Variants in TRIM33 observed in about 807,000 individuals in gnomAD.
TRIM33 encodes tripartite motif containing 33.
In TRIM33, 20 loss-of-function variants were observed where a neutral mutation model predicts 125.4. The observed-to-expected ratio is 0.16, with a 90% CI of 0.11 to 0.23. The LOEUF (loss-of-function observed/expected upper bound fraction) is 0.23. TRIM33 is among the 10% of genes least tolerant of loss of function. TRIM33 has a pLI of 1.00. For synonymous variants in TRIM33, 564 were observed against 513.9 expected (o/e 1.10, Z -1.32); for missense variants, 920 against 1,411.4 (o/e 0.65, Z 5.58).
rs182558043 is a variant in TRIM33, at chr1:114,395,988, C to T, written c.*1660G>A. 5 of 194,002 alleles carry T rather than the reference C, an allele frequency of 2.6e-5. No individual in the cohort carries two copies. The highest frequency in any genetic ancestry group is 8.1e-5 in the East Asian group (1 of 12,370). 12.0% of individuals were successfully genotyped at this position (194,002 alleles called of 1,614,324 possible). A position where few individuals can be genotyped will look rare whatever the true frequency, so the allele number is the denominator to read the frequency against. On this transcript the variant is annotated 3_prime_UTR_variant, in exon 20 of 20. Transcript: ENST00000358465. ...AAAATATTGACCTCTTAGACAATTA[C>T]GTGAAATAATTTTCTGAGTAGTCTA...
Position 114,397,618 on chromosome 1 carries a change from T to TTTTTTTTTTTA in TRIM33, c.*29_*30insTAAAAAAAAAA. 8.0e-7 allele frequency: 1 copy of TTTTTTTTTTTA among 1,249,274 alleles called. No homozygotes were observed. Among genetic ancestry groups the TTTTTTTTTTTA allele is most frequent in the Non-Finnish European group, 1.1e-6 (1 of 888,900 alleles). 77.4% of individuals were successfully genotyped at this position (1,249,274 alleles called of 1,614,324 possible). On this transcript the variant is annotated 3_prime_UTR_variant, in exon 20 of 20. Transcript: ENST00000358465. ...TTTTTTTTTTTTTCGTTTTTTTTTT[T>TTTTTTTTTTTA]TTAAACAATTGATTTAAATCCATGT...
At position 114,460,178 on chromosome 1, in the gene TRIM33, G is replaced by T. The variant is rs1014170709; in HGVS notation, c.923+2926C>A. The T allele has an allele frequency of 4.1e-5, 8 of 196,514 alleles. No individual in the cohort carries two copies. In the East Asian group the frequency reaches 6.9e-4, roughly 17 times the overall value. The allele number at this position is 196,514 out of a possible 1,614,324, so 12.2% of individuals were successfully genotyped here. On this transcript the variant is annotated intron_variant, in intron 4 of 19. Coordinates refer to ENST00000358465, the MANE Select transcript of TRIM33 (RefSeq NM_015906.4). ...TGAAATATATCATCAACACTGAACA[G>T]GTGCCATGGGAAAAGGCTAATGGCA...
intron 2 of TRIM33, 148 bp from the exon 3 acceptor site, chr1:114,463,704 C>CT: frequency 1.7e-6 from 1 of 581,350 alleles, no homozygotes; most frequent in Non-Finnish European, 2.9e-6. Flanking sequence ...AATCCTTTTC[C>CT]TTACAGATCA....
At chr1:114,434,335 T>A (rs1160422096) in intron 4 of TRIM33, among the ~76,000 whole-genome samples, 2 of 152,212 alleles carry the variant, frequency 1.3e-5, no homozygotes, top group Non-Finnish European at 2.9e-5. Context: ...GCAATTATAA[T>A]AATAATGAAC....
At chr1:114,452,420 A>G (rs1649368506) in intron 4 of TRIM33, among the ~76,000 whole-genome samples, 1 of 152,120 alleles carries the variant, frequency 6.6e-6, no homozygotes, top group Admixed American at 6.5e-5. Context: ...AGATCACGCC[A>G]CTACACTCCA....
At chr1:114,478,863 C>T (rs1349845420) in intron 1 of TRIM33, among the ~76,000 whole-genome samples, 1 of 152,044 alleles carries the variant, frequency 6.6e-6, no homozygotes, top group Non-Finnish European at 1.5e-5. Flanking sequence ...GCCTGGCCAA[C>T]ATGTGAAACT....
At chr1:114,400,704 T>G (rs1357182749) in intron 17 of TRIM33, among the ~76,000 whole-genome samples, 1 of 152,192 alleles carries the variant, frequency 6.6e-6, no homozygotes, top group Non-Finnish European at 1.5e-5. Context: ...TACCATTTAA[T>G]ATTCTCTAAC....
Position 114,508,686 on chromosome 1 carries a change from G to T in TRIM33, c.526+1865C>A, listed in dbSNP as rs568725185. Among the ~76,000 whole-genome samples, 88 of 152,192 alleles carry T rather than the reference G, an allele frequency of 5.8e-4. 1 individual carries two copies. The highest frequency in any genetic ancestry group is 2.1e-3 in the African/African-American group (87 of 41,544). ...CATTGCCATCCACCAAACAAAAAAT[G>T]TGGAATTCTACGTTTGTCTCCCTCA... On this transcript the variant is annotated intron_variant, in intron 1 of 19. Coordinates refer to ENST00000358465, the MANE Select transcript of TRIM33 (RefSeq NM_015906.4).
intron 1 of TRIM33, among the ~76,000 whole-genome samples, chr1:114,500,001 T>C (rs1652614558): frequency 6.6e-6 from 1 of 152,108 alleles, no homozygotes; most frequent in African/African-American, 2.4e-5. Flanking sequence ...ATCCTGTCTC[T>C]ACTAAAAATT....
At position 114,470,906 on chromosome 1, in the gene TRIM33, T is replaced by C. The variant is rs138475828; in HGVS notation, c.527-6518A>G. Among the ~76,000 whole-genome samples the C allele has an allele frequency of 3.3e-5, 5 of 152,296 alleles. No homozygotes were observed. In the East Asian group the frequency reaches 9.7e-4, roughly 29 times the overall value. On this transcript the variant is annotated intron_variant, in intron 1 of 19. Transcript: ENST00000358465. ...GCTTCGACTTCCTGGGCTCAAGTGATTCCTACCTCAGCCTCCCATGCAGTG... is the reference window on the plus strand; with the variant it reads ...GCTTCGACTTCCTGGGCTCAAGTGACTCCTACCTCAGCCTCCCATGCAGTG...
chr1:114,405,588 T>G lies in TRIM33; in HGVS notation c.2590A>C (p.Ile864Leu), dbSNP rs115508967. The change falls in exon 15 of 20, where the codon ATT becomes CTT. Residue 864 changes from isoleucine to leucine, a missense_variant. Around this residue, in one of 8 missense-constraint regions of TRIM33, gnomAD observed 407 missense variants for 589.7 expected, o/e 0.69. Transcript: ENST00000358465. ...GCCGACCTGTGCATGAGGCTTCGAA[T>G]TGGGGACTTTCCATTAACAAGGCTG... ...LSSLVNGKSPIRSLMHRSARI... is the reference protein window; with the variant it reads ...LSSLVNGKSPLRSLMHRSARI... 1.3e-5 allele frequency: 21 copies of G among 1,614,190 alleles called. No individual in the cohort carries two copies. In the South Asian group the frequency reaches 2.3e-4, roughly 18 times the overall value.
chr1:114,399,705 T>A, intron 17 of TRIM33, 96 bp from the exon 18 acceptor site: 1 of 1,088,564 alleles, frequency 9.2e-7, no homozygotes, highest in Non-Finnish European at 1.3e-6. Context: ...GGAAAAAAAT[T>A]ATTATAGAGC....
At chr1:114,462,664 T>G (rs1440386016) in intron 4 of TRIM33, among the ~76,000 whole-genome samples, 3 of 152,246 alleles carry the variant, frequency 2.0e-5, no homozygotes, top group Non-Finnish European at 4.4e-5. Context: ...TATTAGAGGG[T>G]CAGTAACTCT....
chr1:114,419,110 A>G (rs899732355), intron 11 of TRIM33, among the ~76,000 whole-genome samples: 1 of 150,020 alleles, frequency 6.7e-6, no homozygotes, highest in African/African-American at 2.5e-5. Context: ...CTGAGGAAGG[A>G]GAACAGCTTG....
At chr1:114,400,545 G>A (rs1651809162) in intron 17 of TRIM33, among the ~76,000 whole-genome samples, 1 of 152,162 alleles carries the variant, frequency 6.6e-6, no homozygotes, top group South Asian at 2.1e-4. Flanking sequence ...ACATTTGAAA[G>A]TCATTTTCTA....
chr1:114,445,154 GAA>G (rs1485784502), intron 4 of TRIM33, among the ~76,000 whole-genome samples: 1 of 152,142 alleles, frequency 6.6e-6, no homozygotes, highest in Non-Finnish European at 1.5e-5. Flanking sequence ...ATAAATTCAA[GAA>G]AAATGAACAA....
chr1:114,407,122 A>G (rs1174793342), intron 13 of TRIM33, 22 bp from the exon 14 acceptor site: 3 of 1,601,480 alleles, frequency 1.9e-6, no homozygotes, highest in Non-Finnish European at 1.7e-6. Flanking sequence ...CAACAAATAA[A>G]GATCACATAC....
At chr1:114,432,109 T>C (rs7548452) in intron 5 of TRIM33, among the ~76,000 whole-genome samples, 3,942 of 152,352 alleles carry the variant, frequency 0.026, 86 homozygotes, top group Non-Finnish European at 0.034. Context: ...ATTTTAATAC[T>C]GTTTTTTTAA....
At chr1:114,482,690 G>A (rs1651435000) in intron 1 of TRIM33, among the ~76,000 whole-genome samples, 1 of 152,112 alleles carries the variant, frequency 6.6e-6, no homozygotes, top group Admixed American at 6.5e-5. Flanking sequence ...TGGATCACGG[G>A]GGCAGATTTC....
Sources: gnomAD v4.1 joint callset for allele counts (sites outside exome capture counted in the v4.1 genomes callset) on GRCh38, gnomAD v4.1.1 for gene constraint, gnomAD v4.1.1 regional missense constraint, MANE v1.5 for transcripts, NCBI Gene and HGNC (gene_info 2026-07-23, HGNC 2026-07-21) for gene names.